SLC35F3: variants seen among roughly 807,000 people sequenced by gnomAD.
SLC35F3 encodes putative thiamine transporter SLC35F3.
A neutral mutation model predicts 49.9 loss-of-function variants in SLC35F3; 25 were observed. The observed-to-expected ratio is 0.50, with a 90% confidence interval of 0.37 to 0.70. SLC35F3 has a LOEUF of 0.70. Among genes scored for constraint, SLC35F3 ranks in the 30% least tolerant of loss-of-function variants. The pLI is 0.00. For missense variants in SLC35F3, 525 were observed against 639.8 expected, an observed-to-expected ratio of 0.82 and a Z score of 1.94; for synonymous variants, 275 against 265.4, an observed-to-expected ratio of 1.04 and a Z score of -0.35.
chr1:234,039,662 T>G (rs1193040431), intron 2 of SLC35F3, among the ~76,000 whole-genome samples: 1 of 152,160 alleles, frequency 6.6e-6, no homozygotes, highest in East Asian at 1.9e-4. Flanking sequence ...CAGGATATTT[T>G]CTTGACCCCT....
intron 2 of SLC35F3, among the ~76,000 whole-genome samples, chr1:233,961,559 C>T (rs1018705104): frequency 2.7e-5 from 4 of 150,302 alleles, no homozygotes; most frequent in Non-Finnish European, 4.4e-5. Context: ...TGGGTTCCAG[C>T]GATTTTCCCA....
intron 3 of SLC35F3, among the ~76,000 whole-genome samples, chr1:234,304,477 T>C (rs1668747083): frequency 6.6e-6 from 1 of 152,216 alleles, no homozygotes. Flanking sequence ...CAAGATTATA[T>C]CCTTTTTAAT....
chr1:234,284,227 G>A (rs1484697837), intron 3 of SLC35F3, among the ~76,000 whole-genome samples: 1 of 152,150 alleles, frequency 6.6e-6, no homozygotes, highest in Non-Finnish European at 1.5e-5. Context: ...TTTAAGATAG[G>A]TTTTATTATC....
intron 3 of SLC35F3, among the ~76,000 whole-genome samples, chr1:234,280,446 C>T (rs755727742): frequency 1.3e-5 from 2 of 152,162 alleles, no homozygotes; most frequent in South Asian, 2.1e-4. Flanking sequence ...TAGCTGAAAC[C>T]GGTTTTCTGT....
At chr1:234,005,161 T>A (rs1215863403) in intron 2 of SLC35F3, among the ~76,000 whole-genome samples, 1 of 152,166 alleles carries the variant, frequency 6.6e-6, no homozygotes, top group African/African-American at 2.4e-5. Context: ...CACTTCAGTC[T>A]CCTGAAAAAA....
intron 2 of SLC35F3, among the ~76,000 whole-genome samples, chr1:234,008,188 C>T (rs557367987): frequency 1.3e-5 from 2 of 152,094 alleles, no homozygotes; most frequent in African/African-American, 2.4e-5. Flanking sequence ...TTTCAGCCTC[C>T]AAAGATCCCA....
chr1:234,195,897 C>T (rs1666802689), intron 2 of SLC35F3, among the ~76,000 whole-genome samples: 1 of 152,196 alleles, frequency 6.6e-6, no homozygotes, highest in South Asian at 2.1e-4. Flanking sequence ...CATTCTCTCT[C>T]TTGTCTGCCA....
chr1:234,132,963 A>C (rs1279055133), intron 2 of SLC35F3, among the ~76,000 whole-genome samples: 1 of 152,216 alleles, frequency 6.6e-6, no homozygotes, highest in Non-Finnish European at 1.5e-5. Flanking sequence ...TAACACTCAT[A>C]ATACCTTGAT....
At chr1:233,997,162 A>G (rs1282631119) in intron 2 of SLC35F3, among the ~76,000 whole-genome samples, 1 of 152,058 alleles carries the variant, frequency 6.6e-6, no homozygotes, top group Non-Finnish European at 1.5e-5. Context: ...GTGGTTGAAC[A>G]CTCGCGTTGC....
chr1:234,263,870 A>T (rs550037592), intron 3 of SLC35F3, among the ~76,000 whole-genome samples: 1 of 152,276 alleles, frequency 6.6e-6, no homozygotes, highest in African/African-American at 2.4e-5. Flanking sequence ...GCAATTTGGG[A>T]GGCCGAGGCG....
intron 2 of SLC35F3, among the ~76,000 whole-genome samples, chr1:234,081,075 C>T (rs1026098604): frequency 4.6e-5 from 7 of 152,184 alleles, no homozygotes; most frequent in Non-Finnish European, 1.0e-4. Context: ...ATTCCTACTG[C>T]CATATATTCA....
intron 2 of SLC35F3, among the ~76,000 whole-genome samples, chr1:233,927,170 C>G (rs1662173608): frequency 6.6e-6 from 1 of 152,134 alleles, no homozygotes; most frequent in Admixed American, 6.6e-5. Flanking sequence ...TGGAAGACAT[C>G]ATGATTTGTT....
At chr1:234,208,072 C>T (rs559904465) in intron 2 of SLC35F3, among the ~76,000 whole-genome samples, 2 of 152,304 alleles carry the variant, frequency 1.3e-5, no homozygotes, top group South Asian at 4.1e-4. Context: ...GTGTCCAATT[C>T]TTTCAGGCCC....
chr1:233,991,662 G>A (rs531236641), intron 2 of SLC35F3, among the ~76,000 whole-genome samples: 1 of 152,166 alleles, frequency 6.6e-6, no homozygotes, highest in South Asian at 2.1e-4. Flanking sequence ...ACCACTACAA[G>A]TATTTTAGCT....
At chr1:234,140,002 A>AATAAAATAAATAAAATAAAAT in intron 2 of SLC35F3, among the ~76,000 whole-genome samples, 4 of 105,478 alleles carry the variant, frequency 3.8e-5, no homozygotes, top group African/African-American at 9.2e-5. Context: ...AATAAAATAA[A>AATAAAATAAATAAAATAAAAT]GTAAGTGACT....
At chr1:234,174,762 A>G (rs145529106) in intron 2 of SLC35F3, among the ~76,000 whole-genome samples, 137 of 152,368 alleles carry the variant, frequency 9.0e-4, no homozygotes, top group African/African-American at 2.8e-3. Context: ...TGAGTGGGCA[A>G]TCTTGGAAAA....
intron 2 of SLC35F3, among the ~76,000 whole-genome samples, chr1:234,104,906 G>A (rs530156628): frequency 8.8e-4 from 134 of 152,194 alleles, no homozygotes; most frequent in Non-Finnish European, 1.4e-3. Context: ...CGAGGCAGGC[G>A]GATCACGGGG....
intron 2 of SLC35F3, among the ~76,000 whole-genome samples, chr1:234,182,391 G>C (rs1666572061): frequency 6.6e-6 from 1 of 152,116 alleles, no homozygotes; most frequent in East Asian, 1.9e-4. Flanking sequence ...TTTTTAAGGA[G>C]CCCTGTGTCT....
intron 3 of SLC35F3, among the ~76,000 whole-genome samples, chr1:234,300,759 A>G (rs1396281667): frequency 6.6e-6 from 1 of 152,244 alleles, no homozygotes; most frequent in East Asian, 1.9e-4. Context: ...AGGGAAGGCC[A>G]GGGAAGAGGA....
Sources: allele counts gnomAD v4.1 joint callset (sites outside exome capture counted in the v4.1 genomes callset), GRCh38; gene constraint gnomAD v4.1.1; transcripts MANE v1.5; gene names NCBI Gene and HGNC (gene_info 2026-07-23, HGNC 2026-07-21).